Variants in CCDC141 observed in about 807,000 individuals in gnomAD.
The protein encoded by CCDC141 is coiled-coil domain-containing protein 141.
CCDC141 carries 168 observed loss-of-function variants against 181.0 expected under a neutral mutation model. The ratio of observed to expected loss-of-function variants is 0.93; its 90% CI spans 0.82 to 1.05. CCDC141 has a LOEUF of 1.05. CCDC141 is among the 50% of genes least tolerant of loss of function. CCDC141 has a pLI of 0.00. For missense variants in CCDC141, 1,902 were observed against 1,788.5 expected, an observed-to-expected ratio of 1.06 and a Z score of -1.14; for synonymous variants, 666 against 642.3, an observed-to-expected ratio of 1.04 and a Z score of -0.56.
chr2:178,919,095 G>A (rs1688578203), intron 6 of CCDC141, among the ~76,000 whole-genome samples, 188 bp from the exon 7 acceptor site: 2 of 152,268 alleles, frequency 1.3e-5, no homozygotes, highest in South Asian at 4.1e-4. Flanking sequence ...TCCACCATGT[G>A]AGGATACAGT....
intron 2 of CCDC141, among the ~76,000 whole-genome samples, chr2:179,034,428 T>A (rs1474278382): frequency 1.3e-5 from 2 of 152,132 alleles, no homozygotes; most frequent in Non-Finnish European, 2.9e-5. Context: ...GATGAAATAA[T>A]CTGTACAACA....
chr2:178,972,944 T>C (rs886884245), intron 4 of CCDC141, among the ~76,000 whole-genome samples: 11 of 152,202 alleles, frequency 7.2e-5, no homozygotes, highest in Admixed American at 6.5e-5. Flanking sequence ...AAGTGACTAT[T>C]AGGGGTAAGT....
the CCDC141 span, among the ~76,000 whole-genome samples, chr2:178,823,610 C>T: frequency 6.6e-6 from 1 of 152,050 alleles, no homozygotes; most frequent in Non-Finnish European, 1.5e-5. Flanking sequence ...TGCTTCTCAA[C>T]TAAGATTTAT....
the CCDC141 span, among the ~76,000 whole-genome samples, chr2:178,815,064 C>T: frequency 1.1e-3 from 172 of 152,286 alleles, no homozygotes; most frequent in African/African-American, 4.0e-3. Flanking sequence ...GAAATGAGCT[C>T]TGTTGGCACT....
chr2:178,903,534 C>T (rs1266598339), intron 8 of CCDC141, among the ~76,000 whole-genome samples: 1 of 142,812 alleles, frequency 7.0e-6, no homozygotes, highest in African/African-American at 2.6e-5. Flanking sequence ...CATATTCTCA[C>T]TCATAGTTGG....
intron 17 of CCDC141, among the ~76,000 whole-genome samples, chr2:178,862,182 T>C (rs537271763): frequency 1.3e-5 from 2 of 152,360 alleles, no homozygotes; most frequent in South Asian, 2.1e-4. Flanking sequence ...GACCGATACA[T>C]GGAACATATA....
chr2:178,936,252 A>C (rs1034591117), intron 6 of CCDC141, among the ~76,000 whole-genome samples: 2 of 152,006 alleles, frequency 1.3e-5, no homozygotes, highest in Admixed American at 1.3e-4. Context: ...GTCCTTAATC[A>C]ACCCATCTTG....
intron 2 of CCDC141, among the ~76,000 whole-genome samples, chr2:179,012,437 G>A (rs2042296407): frequency 1.3e-5 from 2 of 152,092 alleles, no homozygotes; most frequent in South Asian, 4.2e-4. Flanking sequence ...TAGATACCCT[G>A]AACAGACTAA....
At chr2:178,967,787 C>T (rs892945975) in intron 4 of CCDC141, among the ~76,000 whole-genome samples, 7 of 152,126 alleles carry the variant, frequency 4.6e-5, no homozygotes, top group Admixed American at 4.6e-4. Context: ...TTAAAAGACA[C>T]ATACTGGCAA....
intron 2 of CCDC141, among the ~76,000 whole-genome samples, chr2:179,006,528 C>G (rs1008736486): frequency 6.6e-6 from 1 of 152,072 alleles, no homozygotes; most frequent in African/African-American, 2.4e-5. Context: ...TTTAGTGATA[C>G]AATAATTAAT....
At chr2:178,930,154 C>A (rs1689046804) in intron 6 of CCDC141, among the ~76,000 whole-genome samples, 1 of 151,890 alleles carries the variant, frequency 6.6e-6, no homozygotes, top group South Asian at 2.1e-4. Context: ...ACTTGTGTTT[C>A]TATAGAATAG....
rs533561517 is a variant in CCDC141, at chr2:179,031,696, G to A, written c.225+15588C>T. 2.0e-5 allele frequency among the ~76,000 whole-genome samples: 3 copies of A among 152,132 alleles called. No individual in the cohort carries two copies. The South Asian group carries it at 6.2e-4, about 32-fold the overall frequency. On this transcript the variant is annotated intron_variant, in intron 2 of 23. Transcript: ENST00000443758. ...AGCTGACATTTGTGGCTTGTCTTAT[G>A]CATTTCTATTTATTGCTGCTCCAAG... is the stretch of plus-strand genomic sequence containing the variant.
intron 2 of CCDC141, among the ~76,000 whole-genome samples, chr2:179,005,216 T>C (rs540875769): frequency 1.3e-5 from 2 of 152,296 alleles, no homozygotes; most frequent in Admixed American, 1.3e-4. Context: ...CCAATTAGAC[T>C]ATCTGTAATG....
At position 178,899,604 on chromosome 2, in the gene CCDC141, G is replaced by A. The variant is rs1413532657; in HGVS notation, c.1265+5725C>T. Among the ~76,000 whole-genome samples the A allele has an allele frequency of 1.3e-4, 20 of 152,026 alleles. 1 individual carries two copies. Among genetic ancestry groups the A allele is most frequent in the Admixed American group, 1.2e-3 (19 of 15,246 alleles). ...ATGTATGAACTAAAATTCCTTTAAC[G>A]TGAAGTCTTGGGTTTCTTATCCATA... On this transcript the variant is annotated intron_variant, in intron 8 of 23. Coordinates refer to ENST00000443758, the MANE Select transcript of CCDC141 (RefSeq NM_173648.4).
chr2:178,856,479 A>G (rs1685392736), intron 17 of CCDC141, 82 bp from the exon 18 acceptor site: 7 of 956,258 alleles, frequency 7.3e-6, no homozygotes, highest in East Asian at 2.5e-5. Flanking sequence ...GCATCTGAAC[A>G]CTTCAAAATA....
intron 7 of CCDC141, among the ~76,000 whole-genome samples, chr2:178,907,559 A>C (rs562458929): frequency 6.6e-6 from 1 of 152,338 alleles, no homozygotes; most frequent in South Asian, 2.1e-4. Flanking sequence ...AAAGGTTGAG[A>C]GATTTCTCTT....
At chr2:178,971,670 C>A (rs1387974173) in intron 4 of CCDC141, among the ~76,000 whole-genome samples, 4 of 152,130 alleles carry the variant, frequency 2.6e-5, no homozygotes, top group African/African-American at 9.7e-5. Flanking sequence ...TGGAACCAAC[C>A]CAAATGTCCA....
chr2:178,935,223 G>A (rs961676916), intron 6 of CCDC141, among the ~76,000 whole-genome samples: 6 of 151,950 alleles, frequency 3.9e-5, no homozygotes, highest in African/African-American at 1.4e-4. Context: ...CATCACCCAG[G>A]TATTAAGCCC....
In CCDC141 at chr2:178,989,400, C is replaced by T. The variant is rs543583247; in HGVS notation, c.226-10725G>A. On this transcript the variant is annotated intron_variant, in intron 2 of 23. Coordinates refer to ENST00000443758, the MANE Select transcript of CCDC141 (RefSeq NM_173648.4). ...CTTGAGATCAGGAGTTCGAGACCAGCCTGGCCAACATGTTGAAACTCCATC... is the reference window on the plus strand; with the variant it reads ...CTTGAGATCAGGAGTTCGAGACCAGTCTGGCCAACATGTTGAAACTCCATC... 6.6e-5 allele frequency among the ~76,000 whole-genome samples: 10 copies of T among 151,750 alleles called. No individual in the cohort carries two copies. The East Asian group carries it at 1.9e-3, about 29-fold the overall frequency.
Sources: allele counts gnomAD v4.1 joint callset (sites outside exome capture counted in the v4.1 genomes callset), GRCh38; gene constraint gnomAD v4.1.1; transcripts MANE v1.5; gene names NCBI Gene and HGNC (gene_info 2026-07-23, HGNC 2026-07-21).